Variants in PCDHAC1 observed in about 807,000 individuals in gnomAD.
The protein encoded by PCDHAC1 is protocadherin alpha subfamily C, 1, also known as protocadherin alpha-C1.
Under a neutral mutation model 60.0 loss-of-function variants are expected in PCDHAC1, and 42 were observed. The observed-to-expected ratio is 0.70, with a 90% CI of 0.55 to 0.90. The LOEUF (loss-of-function observed/expected upper bound fraction) is 0.90. PCDHAC1 is among the 40% of genes least tolerant of loss of function. The probability of loss-of-function intolerance (pLI) is 0.00; values close to 1 mark genes in which losing one functional copy is unlikely to be tolerated. For missense variants in PCDHAC1, 1,160 were observed against 1,222.3 expected (o/e 0.95, Z 0.76); for synonymous variants, 468 against 499.3 (o/e 0.94, Z 0.84).
chr5:140,962,068 G>C (rs2095654419), intron 1 of PCDHAC1, among the ~76,000 whole-genome samples: 1 of 151,882 alleles, frequency 6.6e-6, no homozygotes, highest in African/African-American at 2.4e-5. Context: ...GTATTTTTTA[G>C]TAGAGACGGG....
chr5:140,955,595 A>G (rs1366870361), intron 1 of PCDHAC1, among the ~76,000 whole-genome samples: 1 of 152,194 alleles, frequency 6.6e-6, no homozygotes, highest in Admixed American at 6.5e-5. Context: ...TCTTTCTTTT[A>G]TAAATTACCC....
chr5:141,002,681 C>T (rs556518008), intron 3 of PCDHAC1, among the ~76,000 whole-genome samples: 32 of 152,154 alleles, frequency 2.1e-4, no homozygotes, highest in Non-Finnish European at 4.0e-4. Context: ...ACCTATACGA[C>T]GTGCAGATTT....
chr5:140,976,781 T>C (rs1238344428), intron 1 of PCDHAC1, among the ~76,000 whole-genome samples: 26 of 152,206 alleles, frequency 1.7e-4, no homozygotes, highest in Admixed American at 1.6e-3. Flanking sequence ...TCTGACTATA[T>C]AGCTACGCTT....
At position 141,010,632 on chromosome 5, in the gene PCDHAC1, A is replaced by G. The variant is rs782191972; in HGVS notation, c.*695A>G. The G allele has an allele frequency of 1.6e-5, 3 of 185,902 alleles. No individual in the cohort carries two copies. Among genetic ancestry groups the G allele is most frequent in the Non-Finnish European group, 3.4e-5 (3 of 88,214 alleles). The allele number at this position is 185,902 out of a possible 1,614,324, so 11.5% of individuals were successfully genotyped here. On this transcript the variant is annotated 3_prime_UTR_variant, in exon 4 of 4. Coordinates refer to ENST00000253807, the MANE Select transcript of PCDHAC1 (RefSeq NM_018898.5). ...ACCTAAAATCTGCATCATACCTGCAAGCCAACAGTTCAGTGTTTTAACAGA... is the reference window on the plus strand; with the variant it reads ...ACCTAAAATCTGCATCATACCTGCAGGCCAACAGTTCAGTGTTTTAACAGA...
At chr5:140,985,682 C>T (rs1261119986) in intron 3 of PCDHAC1, among the ~76,000 whole-genome samples, 3 of 151,710 alleles carry the variant, frequency 2.0e-5, no homozygotes, top group African/African-American at 4.8e-5. Flanking sequence ...GCCTGCCTTA[C>T]GCTAATCCTC....
intron 1 of PCDHAC1, among the ~76,000 whole-genome samples, chr5:140,936,094 T>C (rs2090766117): frequency 6.6e-6 from 1 of 152,116 alleles, no homozygotes; most frequent in South Asian, 2.1e-4. Flanking sequence ...GGTTTCACCA[T>C]GTTGGCCAGG....
chr5:140,983,754 A>T (rs2097065978), intron 3 of PCDHAC1, among the ~76,000 whole-genome samples: 3 of 152,210 alleles, frequency 2.0e-5, no homozygotes. Flanking sequence ...AATCCATTCA[A>T]ATTCAAATAC....
intron 1 of PCDHAC1, among the ~76,000 whole-genome samples, chr5:140,950,636 T>A (rs528587890): frequency 1.4e-3 from 206 of 152,222 alleles, no homozygotes; most frequent in Non-Finnish European, 2.4e-3. Flanking sequence ...TTTATTTTTA[T>A]CCTGTTTATG....
intron 3 of PCDHAC1, 171 bp from the exon 4 acceptor site, chr5:141,009,456 C>CAAAT: frequency 3.2e-6 from 3 of 947,762 alleles, no homozygotes; most frequent in Non-Finnish European, 2.5e-6. Flanking sequence ...AAAAATTAAA[C>CAAAT]AAATAAATAA....
At chr5:140,943,592 T>C (rs900549060) in intron 1 of PCDHAC1, among the ~76,000 whole-genome samples, 2 of 152,152 alleles carry the variant, frequency 1.3e-5, no homozygotes, top group African/African-American at 2.4e-5. Flanking sequence ...TGGGGCTGAA[T>C]TCTAAATATA....
intron 3 of PCDHAC1, among the ~76,000 whole-genome samples, chr5:141,005,543 A>G (rs2153984572): frequency 6.6e-6 from 1 of 151,530 alleles, no homozygotes; most frequent in South Asian, 2.1e-4. Context: ...CTCTACTAAA[A>G]ATACAAAAAT....
chr5:140,951,144 T>C (rs1052192456), intron 1 of PCDHAC1, among the ~76,000 whole-genome samples: 3 of 100,560 alleles, frequency 3.0e-5, no homozygotes, highest in Non-Finnish European at 6.0e-5. Context: ...CTTTATCTTA[T>C]TGAATATAGT....
intron 1 of PCDHAC1, among the ~76,000 whole-genome samples, chr5:140,958,419 A>G (rs1275772647): frequency 6.6e-6 from 1 of 152,196 alleles, no homozygotes; most frequent in Non-Finnish European, 1.5e-5. Flanking sequence ...GCTTGGAAAG[A>G]AGCACTTTTT....
At chr5:140,975,326 G>A (rs901942738) in intron 1 of PCDHAC1, among the ~76,000 whole-genome samples, 2 of 152,216 alleles carry the variant, frequency 1.3e-5, no homozygotes, top group Non-Finnish European at 2.9e-5. Flanking sequence ...GTCCCATCCA[G>A]ATGATCTCCC....
At chr5:140,947,896 G>A (rs1355775996) in intron 1 of PCDHAC1, among the ~76,000 whole-genome samples, 5 of 151,478 alleles carry the variant, frequency 3.3e-5, no homozygotes, top group Non-Finnish European at 7.4e-5. Context: ...AACAGAAGTG[G>A]TGAGAGCAGA....
intron 1 of PCDHAC1, among the ~76,000 whole-genome samples, chr5:140,939,246 C>G (rs536477969): frequency 6.6e-5 from 10 of 152,230 alleles, no homozygotes; most frequent in African/African-American, 2.2e-4. Context: ...AGCAAGGTAG[C>G]TCTCTGGAAC....
At chr5:140,979,068 C>G in intron 2 of PCDHAC1, 61 bp downstream of exon 2, 1 of 1,602,182 alleles carries the variant, frequency 6.2e-7, no homozygotes. Flanking sequence ...CTCAGATAAA[C>G]TGCATCTCCA....
At chr5:140,977,816 T>C (rs2096776197) in intron 1 of PCDHAC1, among the ~76,000 whole-genome samples, 1 of 152,190 alleles carries the variant, frequency 6.6e-6, no homozygotes, top group Non-Finnish European at 1.5e-5. Flanking sequence ...TTATTGACAG[T>C]TTTGAATGGT....
chr5:140,967,901 A>T, intron 1 of PCDHAC1: 2 of 1,614,142 alleles, frequency 1.2e-6, no homozygotes, highest in African/African-American at 1.3e-5. Context: ...TGAGAATGCT[A>T]CACCCAACAC....
Sources: gnomAD v4.1 joint callset for allele counts (sites outside exome capture counted in the v4.1 genomes callset) on GRCh38, gnomAD v4.1.1 for gene constraint, MANE v1.5 for transcripts, NCBI Gene and HGNC (gene_info 2026-07-23, HGNC 2026-07-21) for gene names.